GASK1B: variants seen among roughly 807,000 people sequenced by gnomAD.
GASK1B encodes Golgi-associated kinase 1B.
A neutral mutation model predicts 42.8 loss-of-function variants in GASK1B; 34 were observed. That is an observed-to-expected ratio of 0.79 (90% CI 0.60 to 1.06). The LOEUF (loss-of-function observed/expected upper bound fraction) is 1.06. Ranked by LOEUF, GASK1B falls within the 50% of genes least tolerant of loss-of-function variation. GASK1B has a pLI of 0.00. For synonymous variants in GASK1B, 262 were observed against 259.1 expected (o/e 1.01, Z -0.11); for missense variants, 686 against 661.0 (o/e 1.04, Z -0.42).
At chr4:158,135,176 C>T (rs1471636524) in intron 3 of GASK1B, among the ~76,000 whole-genome samples, 1 of 151,736 alleles carries the variant, frequency 6.6e-6, no homozygotes, top group Non-Finnish European at 1.5e-5. Context: ...ACTAAAGATA[C>T]CGGGCGTGGT....
At chr4:158,160,320 T>G (rs554769870) in intron 2 of GASK1B, among the ~76,000 whole-genome samples, 5 of 152,266 alleles carry the variant, frequency 3.3e-5, no homozygotes, top group African/African-American at 1.2e-4. Flanking sequence ...GTCTGTAGAT[T>G]ACATAGGCAT....
chr4:158,155,610 C>T lies in GASK1B; in HGVS notation c.1125+1G>A. 6.2e-7 allele frequency: 1 copy of T among 1,612,296 alleles called. No individual in the cohort carries two copies. The highest frequency in any genetic ancestry group is 1.1e-5 in the South Asian group (1 of 90,988). ...CTATTTGCTTGATTTGATAAACTTA[C>T]CTGTAACAAAAAATCAAAGAGTGCC... On this transcript the variant is annotated splice_donor_variant, in intron 3 of 4. Transcript: ENST00000585682. LOFTEE classifies it high-confidence loss of function.
At position 158,170,818 on chromosome 4, in the gene GASK1B, C is replaced by T. The variant is rs751735334; in HGVS notation, c.558G>A (p.Pro186=). 81 of 1,614,074 alleles carry T rather than the reference C, an allele frequency of 5.0e-5. No individual in the cohort carries two copies. The highest frequency in any genetic ancestry group is 1.6e-4 in the Middle Eastern group (1 of 6,084). Residue 186 remains proline (P), a synonymous_variant, in exon 2 of 5, where the codon CCG becomes CCA. Coordinates refer to ENST00000585682, the MANE Select transcript of GASK1B (RefSeq NM_001128424.2). ...AGTCTGGGCCCCCGGCTCGCACTCCCGGACCCCGCACCAACCTCCAGGGTC... is the reference window on the plus strand; with the variant it reads ...AGTCTGGGCCCCCGGCTCGCACTCCTGGACCCCGCACCAACCTCCAGGGTC... ...GERPWRLVRG[P]GVRAGGPDFL...
chr4:158,159,534 T>C, intron 2 of GASK1B: 1 of 450,162 alleles, frequency 2.2e-6, no homozygotes, highest in Non-Finnish European at 4.4e-6. Flanking sequence ...GTTTCAGAGA[T>C]GAGAAGCATT....
At chr4:158,163,499 G>T (rs577975188) in intron 2 of GASK1B, among the ~76,000 whole-genome samples, 1 of 151,694 alleles carries the variant, frequency 6.6e-6, no homozygotes, top group East Asian at 1.9e-4. Flanking sequence ...AACCCAGGAG[G>T]CAGAGGTTGC....
At chr4:158,131,089 A>C (rs1208530622) in intron 3 of GASK1B, 77 bp from the exon 4 acceptor site, 1 of 1,266,692 alleles carries the variant, frequency 7.9e-7, no homozygotes, top group African/African-American at 1.5e-5. Flanking sequence ...TTCAAAGATC[A>C]GTGCTTTCTG....
At chr4:158,172,166 C>G (rs972310905) in intron 1 of GASK1B, 2 of 152,074 alleles carry the variant, frequency 1.3e-5, no homozygotes, top group African/African-American at 4.8e-5. Context: ...CTCTCTCTCT[C>G]TCTCTTTCTC....
At chr4:158,153,900 A>T (rs1560787315) in intron 3 of GASK1B, among the ~76,000 whole-genome samples, 1 of 152,220 alleles carries the variant, frequency 6.6e-6, no homozygotes, top group South Asian at 2.1e-4. Flanking sequence ...AACCATAAAA[A>T]TTCCAGAAGA....
intron 3 of GASK1B, among the ~76,000 whole-genome samples, chr4:158,149,923 C>T (rs201445089): frequency 9.2e-4 from 62 of 67,172 alleles, no homozygotes; most frequent in Admixed American, 2.0e-3. Flanking sequence ...CTGCATGCTG[C>T]TTTTTTTTTT....
intron 3 of GASK1B, among the ~76,000 whole-genome samples, chr4:158,142,427 C>T (rs10007737): frequency 0.88 from 134,415 of 152,192 alleles, 60,508 homozygotes; most frequent in East Asian, 0.98. Context: ...TATGAGGAAC[C>T]AGTGGCAGAC....
In GASK1B at chr4:158,171,434, T is replaced by G; in HGVS notation, c.-59A>C. 6.7e-7 allele frequency: 1 copy of G among 1,493,572 alleles called. No homozygotes were observed. The highest frequency in any genetic ancestry group is 8.9e-7 in the Non-Finnish European group (1 of 1,119,096). The allele number at this position is 1,493,572 out of a possible 1,614,324, so 92.5% of individuals were successfully genotyped here. ...AAAGTCTGCAGTTGGCTCCTGCTAA[T>G]GTGATGCATGGTTTCCTGACTTCAG... On this transcript the variant is annotated 5_prime_UTR_variant, in exon 2 of 5. Coordinates refer to ENST00000585682, the MANE Select transcript of GASK1B (RefSeq NM_001128424.2).
At chr4:158,161,726 T>C (rs1294543716) in intron 2 of GASK1B, among the ~76,000 whole-genome samples, 2 of 152,202 alleles carry the variant, frequency 1.3e-5, no homozygotes, top group Admixed American at 6.5e-5. Flanking sequence ...TGCCAGACTC[T>C]ACAATCACAT....
At chr4:158,160,247 G>A (rs949916838) in intron 2 of GASK1B, among the ~76,000 whole-genome samples, 10 of 152,094 alleles carry the variant, frequency 6.6e-5, no homozygotes, top group African/African-American at 2.4e-4. Flanking sequence ...ACTTTAATGC[G>A]AAAAGAAATA....
intron 2 of GASK1B, among the ~76,000 whole-genome samples, chr4:158,160,065 T>C (rs1024569351): frequency 1.3e-5 from 2 of 152,150 alleles, no homozygotes; most frequent in African/African-American, 4.8e-5. Context: ...CCAAGACTCC[T>C]TGTGAACAAG....
chr4:158,165,933 T>C (rs551588354), intron 2 of GASK1B, among the ~76,000 whole-genome samples: 5 of 152,360 alleles, frequency 3.3e-5, no homozygotes, highest in Non-Finnish European at 7.4e-5. Flanking sequence ...GTGTATACTA[T>C]GTGATACATC....
intron 3 of GASK1B, among the ~76,000 whole-genome samples, chr4:158,133,228 A>T (rs1730750761): frequency 6.6e-6 from 1 of 152,214 alleles, no homozygotes; most frequent in African/African-American, 2.4e-5. Flanking sequence ...ACATTAACTA[A>T]TGATTCTCAG....
rs577182950 is a variant in GASK1B, at chr4:158,127,392, C to G, written c.*15G>C. The G allele has an allele frequency of 1.2e-6, 2 of 1,606,974 alleles. No individual in the cohort carries two copies. Among genetic ancestry groups the G allele is most frequent in the South Asian group, 2.2e-5 (2 of 90,170 alleles). ...GCATAAATATATCTAACACCCTAGCCAGAAGATTCTTTTGTCATTCATTCA... is the reference window on the plus strand; with the variant it reads ...GCATAAATATATCTAACACCCTAGCGAGAAGATTCTTTTGTCATTCATTCA... On this transcript the variant is annotated 3_prime_UTR_variant, in exon 5 of 5. Transcript: ENST00000585682.
At chr4:158,147,741 C>T (rs1021456631) in intron 3 of GASK1B, among the ~76,000 whole-genome samples, 16 of 151,516 alleles carry the variant, frequency 1.1e-4, no homozygotes, top group Non-Finnish European at 1.5e-5. Flanking sequence ...TACTGTAAGC[C>T]AAGTCAAAAG....
intron 2 of GASK1B, chr4:158,170,234 A>G: frequency 6.2e-7 from 1 of 1,613,534 alleles, no homozygotes; most frequent in Non-Finnish European, 8.5e-7. Context: ...AAGATTATAC[A>G]GTATGGGCTT....
Sources: gnomAD v4.1 joint callset for allele counts (sites outside exome capture counted in the v4.1 genomes callset) on GRCh38, gnomAD v4.1.1 for gene constraint, MANE v1.5 for transcripts, NCBI Gene and HGNC (gene_info 2026-07-23, HGNC 2026-07-21) for gene names.